UST: variants seen among roughly 807,000 people sequenced by gnomAD.
The protein encoded by UST is uronyl 2-sulfotransferase.
UST carries 21 observed loss-of-function variants against 45.6 expected under a neutral mutation model. That is an observed-to-expected ratio of 0.46 (90% CI 0.33 to 0.66). The LOEUF (loss-of-function observed/expected upper bound fraction) is 0.66, where lower values mean the gene tolerates loss of function less well. Among genes scored for constraint, UST ranks in the 30% least tolerant of loss-of-function variants. The probability of loss-of-function intolerance (pLI) is 0.02; values close to 1 mark genes in which losing one functional copy is unlikely to be tolerated. For missense variants in UST, 463 were observed against 512.4 expected (o/e 0.90, Z 0.93); for synonymous variants, 215 against 200.6 (o/e 1.07, Z -0.61).
Position 149,032,588 on chromosome 6 carries a change from C to T in UST, c.937+11107C>T, listed in dbSNP as rs73608464. On this transcript the variant is annotated intron_variant, in intron 7 of 7. Transcript: ENST00000367463. Reference sequence around the variant, plus strand: ...CCCGACATCATCCTCCTGGCACCATCCTCTGCTCTTCCTGGCCTTCTTCAC... The same window carrying T: ...CCCGACATCATCCTCCTGGCACCATTCTCTGCTCTTCCTGGCCTTCTTCAC... The T allele has an allele frequency of 8.9e-3, 1,367 of 154,190 alleles. 8 individuals are homozygous for T. The highest frequency in any genetic ancestry group is 0.03 in the African/African-American group (1,229 of 41,608). The allele number at this position is 154,190 out of a possible 1,614,324, so 9.6% of individuals were successfully genotyped here.
intron 1 of UST, among the ~76,000 whole-genome samples, chr6:148,753,494 T>G (rs1776030729): frequency 6.6e-6 from 1 of 152,232 alleles, no homozygotes; most frequent in South Asian, 2.1e-4. Context: ...GAATAATATT[T>G]CCTAAGAATT....
chr6:148,910,869 C>T (rs1307535704), intron 2 of UST, among the ~76,000 whole-genome samples: 3 of 152,158 alleles, frequency 2.0e-5, no homozygotes, highest in Non-Finnish European at 2.9e-5. Context: ...ATCGTTTAGT[C>T]TCAGCTTCTC....
chr6:148,951,524 G>A (rs1228128436), intron 3 of UST, among the ~76,000 whole-genome samples: 1 of 152,158 alleles, frequency 6.6e-6, no homozygotes, highest in Non-Finnish European at 1.5e-5. Flanking sequence ...AGGGAGAGGA[G>A]AGGTGGCTCG....
At chr6:149,040,132 TC>T (rs1178994833) in intron 7 of UST, among the ~76,000 whole-genome samples, 2 of 152,208 alleles carry the variant, frequency 1.3e-5, no homozygotes, top group Admixed American at 6.5e-5. Context: ...CCTGAGCTCT[TC>T]CAACTCAAAC....
chr6:148,803,186 A>T (rs1777082907), intron 1 of UST, among the ~76,000 whole-genome samples: 1 of 152,158 alleles, frequency 6.6e-6, no homozygotes, highest in African/African-American at 2.4e-5. Context: ...TACTTTGTAG[A>T]TCCATAGAAT....
At chr6:148,902,971 C>G (rs531833147) in intron 2 of UST, among the ~76,000 whole-genome samples, 1 of 152,172 alleles carries the variant, frequency 6.6e-6, no homozygotes, top group African/African-American at 2.4e-5. Context: ...ACATTTCACA[C>G]TAAAGGTTAT....
chr6:148,851,241 T>C (rs1297378356), intron 1 of UST, among the ~76,000 whole-genome samples: 1 of 152,242 alleles, frequency 6.6e-6, no homozygotes, highest in African/African-American at 2.4e-5. Context: ...ATTAGCCAGC[T>C]GGATTTACTT....
At chr6:149,063,962 T>C (rs1776695760) in intron 7 of UST, among the ~76,000 whole-genome samples, 1 of 152,174 alleles carries the variant, frequency 6.6e-6, no homozygotes, top group Non-Finnish European at 1.5e-5. Context: ...CATCTCTTGA[T>C]TGAAACACAC....
At chr6:148,872,368 A>G (rs1054617034) in intron 1 of UST, among the ~76,000 whole-genome samples, 7 of 152,328 alleles carry the variant, frequency 4.6e-5, no homozygotes, top group Non-Finnish European at 7.3e-5. Context: ...AACAAAATAC[A>G]AAATATTAGG....
At chr6:148,874,544 C>T (rs746282452) in intron 1 of UST, among the ~76,000 whole-genome samples, 23 of 152,062 alleles carry the variant, frequency 1.5e-4, no homozygotes, top group South Asian at 2.1e-4. Flanking sequence ...AAGTACTTTT[C>T]GGGATATGTT....
chr6:149,071,799 A>G (rs1327164102), intron 7 of UST, among the ~76,000 whole-genome samples: 1 of 152,074 alleles, frequency 6.6e-6, no homozygotes, highest in African/African-American at 2.4e-5. Context: ...AAAGCAAACA[A>G]AAAAAAACCC....
chr6:149,020,453 G>A (rs1360664344), intron 6 of UST, among the ~76,000 whole-genome samples: 4 of 152,136 alleles, frequency 2.6e-5, no homozygotes, highest in African/African-American at 9.7e-5. Flanking sequence ...ACTCCCTAAA[G>A]TATTTTTTAA....
chr6:149,006,950 A>C lies in UST; in HGVS notation c.682-12189A>C, dbSNP rs546253358. 8.5e-5 allele frequency among the ~76,000 whole-genome samples: 13 copies of C among 152,186 alleles called. No individual in the cohort carries two copies. The East Asian group carries it at 2.5e-3, about 29-fold the overall frequency. On this transcript the variant is annotated intron_variant, in intron 5 of 7. Transcript: ENST00000367463. Reference sequence around the variant, plus strand: ...ATTTATTATCTTCTGTCTGTAGTTGACAGGTTTTTCTGAATGATTTTAGGA... The same window carrying C: ...ATTTATTATCTTCTGTCTGTAGTTGCCAGGTTTTTCTGAATGATTTTAGGA...
intron 2 of UST, among the ~76,000 whole-genome samples, chr6:148,890,569 A>G (rs1467875441): frequency 6.6e-6 from 1 of 152,192 alleles, no homozygotes; most frequent in East Asian, 1.9e-4. Context: ...GCGAGTTCTC[A>G]TTTTATTAAA....
chr6:149,039,798 T>A (rs1776286409), intron 7 of UST, among the ~76,000 whole-genome samples: 1 of 152,238 alleles, frequency 6.6e-6, no homozygotes, highest in Non-Finnish European at 1.5e-5. Context: ...CTGTCCTCTG[T>A]CATTTGCACG....
intron 2 of UST, among the ~76,000 whole-genome samples, chr6:148,937,929 A>C (rs1270979001): frequency 6.6e-6 from 1 of 152,236 alleles, no homozygotes; most frequent in Non-Finnish European, 1.5e-5. Context: ...TGTACCATTA[A>C]ACTAAACATG....
At chr6:148,820,500 G>A (rs973954987) in intron 1 of UST, among the ~76,000 whole-genome samples, 2 of 151,998 alleles carry the variant, frequency 1.3e-5, no homozygotes, top group South Asian at 4.1e-4. Flanking sequence ...ATCAAAATCA[G>A]GATATTAACC....
At chr6:149,036,976 A>AATT (rs1776247777) in intron 7 of UST, among the ~76,000 whole-genome samples, 5 of 152,210 alleles carry the variant, frequency 3.3e-5, no homozygotes, top group Admixed American at 3.3e-4. Flanking sequence ...TGACCATTTA[A>AATT]AGGTATCATT....
rs149875614 is a variant in UST at position 148,857,753 on chromosome 6, T to C, written c.248-29233T>C. On this transcript the variant is annotated intron_variant, in intron 1 of 7. Transcript: ENST00000367463. ...ACTCCAGCCTGGGAGACAGAGTGAG[T>C]CTCCATCTCAAAAAAAAAAAAAAAA... Among the ~76,000 whole-genome samples the C allele has an allele frequency of 1.9e-3, 225 of 117,452 alleles. 1 individual carries two copies. The East Asian group carries it at 0.047, about 25-fold the overall frequency. The allele number at this position is 117,452 out of a possible 152,430, so 77.1% of individuals were successfully genotyped here. A position where few individuals can be genotyped will look rare whatever the true frequency, so the allele number is the denominator to read the frequency against.
Sources: gnomAD v4.1 joint callset for allele counts (sites outside exome capture counted in the v4.1 genomes callset) on GRCh38, gnomAD v4.1.1 for gene constraint, MANE v1.5 for transcripts, NCBI Gene and HGNC (gene_info 2026-07-23, HGNC 2026-07-21) for gene names.